GABRB3: variants seen among roughly 807,000 people sequenced by gnomAD.
The protein encoded by GABRB3 is gamma-aminobutyric acid receptor subunit beta-3.
GABRB3 carries 14 observed loss-of-function variants against 52.1 expected under a neutral mutation model. That is an observed-to-expected ratio of 0.27 (90% CI 0.18 to 0.42). The LOEUF is 0.42. Ranked by LOEUF, GABRB3 falls within the 10% of genes least tolerant of loss-of-function variation. The pLI is 1.00. For missense variants in GABRB3, 307 were observed against 609.1 expected (o/e 0.50, Z 5.22); for synonymous variants, 260 against 232.3 (o/e 1.12, Z -1.08).
chr15:26,700,916 G>A (rs963613528), intron 3 of GABRB3, among the ~76,000 whole-genome samples: 57 of 152,192 alleles, frequency 3.7e-4, no homozygotes, highest in African/African-American at 1.1e-3. Flanking sequence ...TTAGCCAGGC[G>A]TGGTGGCGGG....
intron 3 of GABRB3, among the ~76,000 whole-genome samples, chr15:26,727,172 A>T (rs1308238057): frequency 6.6e-6 from 1 of 152,072 alleles, no homozygotes; most frequent in African/African-American, 2.4e-5. Flanking sequence ...AAAAAAGAAA[A>T]ATCACTCACC....
chr15:26,592,421 G>A (rs1198786005), intron 4 of GABRB3, among the ~76,000 whole-genome samples: 1 of 152,182 alleles, frequency 6.6e-6, no homozygotes, highest in African/African-American at 2.4e-5. Flanking sequence ...TAGAAGAAGA[G>A]ATGTTCTATG....
intron 4 of GABRB3, among the ~76,000 whole-genome samples, chr15:26,605,492 C>A (rs951685580): frequency 1.7e-4 from 26 of 152,262 alleles, no homozygotes; most frequent in African/African-American, 6.3e-4. Context: ...TTCACAACAG[C>A]CAAGATTTGG....
chr15:26,712,813 G>A (rs927588991), intron 3 of GABRB3, among the ~76,000 whole-genome samples: 2 of 152,142 alleles, frequency 1.3e-5, no homozygotes, highest in East Asian at 1.9e-4. Flanking sequence ...CAAACAGCTG[G>A]GAGGCACAGA....
At chr15:26,721,747 T>C (rs1889649194) in intron 3 of GABRB3, among the ~76,000 whole-genome samples, 1 of 151,766 alleles carries the variant, frequency 6.6e-6, no homozygotes, top group Non-Finnish European at 1.5e-5. Flanking sequence ...CTCAAATGTC[T>C]ACAGTGCTCC....
chr15:26,609,333 G>A (rs1891975696), intron 4 of GABRB3, among the ~76,000 whole-genome samples: 1 of 152,020 alleles, frequency 6.6e-6, no homozygotes, highest in Admixed American at 6.6e-5. Context: ...ATGGAGGATG[G>A]GGGGAATGGG....
intron 8 of GABRB3, among the ~76,000 whole-genome samples, chr15:26,551,210 A>G (rs1021855335): frequency 3.9e-5 from 6 of 152,198 alleles, no homozygotes; most frequent in South Asian, 2.1e-4. Context: ...AAGAATTTCA[A>G]TTTAACTCTT....
intron 3 of GABRB3, among the ~76,000 whole-genome samples, chr15:26,664,568 T>C (rs1410341877): frequency 6.6e-6 from 1 of 152,142 alleles, no homozygotes; most frequent in Non-Finnish European, 1.5e-5. Context: ...TTTTTAATTA[T>C]TATGGGTACC....
In GABRB3 at chr15:26,676,729, CTTG is replaced by C. The variant is rs1299057641; in HGVS notation, c.241-55198_241-55196del. On this transcript the variant is annotated intron_variant, in intron 3 of 8. Transcript: ENST00000311550. ...TAAAATAGATCAGTCTTAAATAAAT[CTTG>C]TTAATTCCATCATTTACATTACACT... is the stretch of plus-strand genomic sequence containing the variant. Among the ~76,000 whole-genome samples the C allele has an allele frequency of 7.2e-5, 11 of 152,286 alleles. No individual in the cohort carries two copies. The East Asian group carries it at 1.9e-3, about 27-fold the overall frequency.
rs186950518 is a variant in GABRB3, at chr15:26,609,659, T to C, written c.461+11655A>G. On this transcript the variant is annotated intron_variant, in intron 4 of 8. Coordinates refer to ENST00000311550, the MANE Select transcript of GABRB3 (RefSeq NM_000814.6). Reference sequence around the variant, plus strand: ...ATAAAATAAAGGACTTCCCATATTATTTTTAAAAAATCTGTTAGGCAGGAA... The same window carrying C: ...ATAAAATAAAGGACTTCCCATATTACTTTTAAAAAATCTGTTAGGCAGGAA... Among the ~76,000 whole-genome samples the C allele has an allele frequency of 4.2e-3, 642 of 152,276 alleles. 4 individuals are homozygous for C. The highest frequency in any genetic ancestry group is 0.015 in the African/African-American group (622 of 41,558).
At chr15:26,750,426 T>C (rs1253530249) in intron 3 of GABRB3, among the ~76,000 whole-genome samples, 1 of 152,170 alleles carries the variant, frequency 6.6e-6, no homozygotes, top group Non-Finnish European at 1.5e-5. Flanking sequence ...ACTGAGAAAC[T>C]GTATGATATA....
At chr15:26,747,952 CTTTTTTTTTTTT>C (rs57157481) in intron 3 of GABRB3, among the ~76,000 whole-genome samples, 12 of 87,448 alleles carry the variant, frequency 1.4e-4, no homozygotes, top group Admixed American at 2.6e-4. Context: ...TTTTCAAATG[CTTTTTTTTTTTT>C]TTTTTTTTTT....
At chr15:26,753,165 C>A (rs573929188) in intron 3 of GABRB3, among the ~76,000 whole-genome samples, 4 of 152,298 alleles carry the variant, frequency 2.6e-5, no homozygotes, top group African/African-American at 9.6e-5. Flanking sequence ...GCACTTTCCC[C>A]AGATGGTGGA....
At chr15:26,677,225 A>G (rs1326667414) in intron 3 of GABRB3, among the ~76,000 whole-genome samples, 1 of 152,200 alleles carries the variant, frequency 6.6e-6, no homozygotes, top group Non-Finnish European at 1.5e-5. Context: ...CTGCCCCCCA[A>G]ATACGTTCCC....
At chr15:26,738,739 A>AC (rs1390607748) in intron 3 of GABRB3, among the ~76,000 whole-genome samples, 1 of 152,098 alleles carries the variant, frequency 6.6e-6, no homozygotes, top group Non-Finnish European at 1.5e-5. Context: ...CAATCAGGAG[A>AC]GAGGCTCAGT....
At chr15:26,637,606 G>T (rs1566786392) in intron 3 of GABRB3, among the ~76,000 whole-genome samples, 1 of 152,130 alleles carries the variant, frequency 6.6e-6, no homozygotes, top group Non-Finnish European at 1.5e-5. Flanking sequence ...AGATCTGTAT[G>T]TTTTTTCAGA....
chr15:26,688,313 G>A (rs1888471397), intron 3 of GABRB3, among the ~76,000 whole-genome samples: 1 of 152,172 alleles, frequency 6.6e-6, no homozygotes, highest in Non-Finnish European at 1.5e-5. Flanking sequence ...AATTACCAGA[G>A]GGTGCCCACT....
chr15:26,629,011 C>G (rs920265116), intron 3 of GABRB3: 1 of 1,536,146 alleles, frequency 6.5e-7, no homozygotes, highest in African/African-American at 1.4e-5. Context: ...CATGGGGACA[C>G]GAGGGAGTCT....
At chr15:26,626,165 A>T (rs1892684233) in intron 3 of GABRB3, among the ~76,000 whole-genome samples, 1 of 152,186 alleles carries the variant, frequency 6.6e-6, no homozygotes, top group African/African-American at 2.4e-5. Context: ...ATAATCAGTG[A>T]TATTTGATAT....
Sources: allele counts gnomAD v4.1 joint callset (sites outside exome capture counted in the v4.1 genomes callset), GRCh38; gene constraint gnomAD v4.1.1; transcripts MANE v1.5; gene names NCBI Gene and HGNC (gene_info 2026-07-23, HGNC 2026-07-21).